Variants in WDFY3 observed in about 807,000 individuals in gnomAD.
WDFY3 encodes the protein WD repeat and FYVE domain-containing protein 3.
In WDFY3, 66 loss-of-function variants were observed where a neutral mutation model predicts 409.6. The observed-to-expected ratio is 0.16, with a 90% CI of 0.13 to 0.20. The LOEUF is 0.20. Among genes scored for constraint, WDFY3 ranks in the 10% least tolerant of loss-of-function variants. The probability of loss-of-function intolerance (pLI) is 1.00; values close to 1 mark genes in which losing one functional copy is unlikely to be tolerated. For synonymous variants in WDFY3, 1,521 were observed against 1,537.1 expected (o/e 0.99, Z 0.25); for missense variants, 3,031 against 4,298.1 (o/e 0.71, Z 8.24).
intron 2 of WDFY3, among the ~76,000 whole-genome samples, chr4:84,919,462 T>A (rs1185706341): frequency 6.6e-6 from 1 of 152,172 alleles, no homozygotes; most frequent in African/African-American, 2.4e-5. Context: ...GTAGACCCTT[T>A]ATTAGTTGCA....
At chr4:84,945,498 T>A (rs1021874364) in intron 1 of WDFY3, among the ~76,000 whole-genome samples, 3 of 152,202 alleles carry the variant, frequency 2.0e-5, no homozygotes, top group Non-Finnish European at 2.9e-5. Context: ...CTTCAAATGG[T>A]GATGGGCAGA....
At chr4:84,737,437 ATTTTTCTTCATG>A in intron 40 of WDFY3, 71 bp from the exon 41 acceptor site, 1 of 1,434,140 alleles carries the variant, frequency 7.0e-7, no homozygotes, top group South Asian at 1.6e-5. Context: ...GTTAGTTTTT[ATTTTTCTTCATG>A]TTTACATGTG....
rs367599565 is a variant in WDFY3, at chr4:84,801,877, A to G, written c.2608-13T>C. On this transcript the variant is annotated splice_polypyrimidine_tract_variant and intron_variant, in intron 16 of 67. Coordinates refer to ENST00000295888, the MANE Select transcript of WDFY3 (RefSeq NM_014991.6). ...GATCCAAAGCATGCTAAAATCAACA[A>G]AGAAATCCACACAGTCAGGTCATTC... 5.0e-6 allele frequency: 8 copies of G among 1,610,798 alleles called. No homozygotes were observed. Among genetic ancestry groups the G allele is most frequent in the East Asian group, 4.5e-5 (2 of 44,796 alleles).
At chr4:84,677,961 CAAAA>C (rs986393073) in intron 66 of WDFY3, among the ~76,000 whole-genome samples, 3 of 21,180 alleles carry the variant, frequency 1.4e-4, no homozygotes, top group Non-Finnish European at 2.8e-4. Flanking sequence ...GACCCTGTCT[CAAAA>C]AAAAAAAAAA....
intron 10 of WDFY3, among the ~76,000 whole-genome samples, chr4:84,823,131 A>AT (rs1293015888): frequency 6.6e-6 from 1 of 152,184 alleles, no homozygotes; most frequent in Non-Finnish European, 1.5e-5. Context: ...ACAGTGTGGT[A>AT]TTGGCTTAAG....
intron 65 of WDFY3, 87 bp from the exon 66 acceptor site, chr4:84,678,366 CT>C: frequency 2.1e-6 from 2 of 937,052 alleles, no homozygotes; most frequent in Non-Finnish European, 1.7e-6. Context: ...TGGCCTTAAA[CT>C]TAGGGTACCT....
At chr4:84,797,500 T>G (rs1382061598) in intron 18 of WDFY3, among the ~76,000 whole-genome samples, 2 of 152,062 alleles carry the variant, frequency 1.3e-5, no homozygotes, top group East Asian at 3.9e-4. Flanking sequence ...AAATATTCTC[T>G]TAGGGAAAGG....
intron 43 of WDFY3, 152 bp from the exon 44 acceptor site, chr4:84,733,761 T>C: frequency 2.5e-6 from 2 of 794,478 alleles, no homozygotes; most frequent in Non-Finnish European, 1.9e-6. Context: ...CATTTGTTTA[T>C]GGTTAAAGTA....
At chr4:84,855,835 T>C (rs1759688541) in intron 4 of WDFY3, among the ~76,000 whole-genome samples, 1 of 152,230 alleles carries the variant, frequency 6.6e-6, no homozygotes, top group Non-Finnish European at 1.5e-5. Flanking sequence ...TCTTTTTGTT[T>C]CTATGAAGGA....
chr4:84,733,348 G>A (rs1433755777), intron 44 of WDFY3, 34 bp downstream of exon 44: 1 of 1,594,274 alleles, frequency 6.3e-7, no homozygotes, highest in Non-Finnish European at 8.6e-7. Context: ...AAACTTGAAA[G>A]AGCCATTGTG....
intron 56 of WDFY3, among the ~76,000 whole-genome samples, chr4:84,698,791 G>A (rs1444812930): frequency 6.6e-6 from 1 of 152,130 alleles, no homozygotes; most frequent in Non-Finnish European, 1.5e-5. Flanking sequence ...CCTCCCGGGT[G>A]AGTCTTGTGC....
intron 47 of WDFY3, among the ~76,000 whole-genome samples, chr4:84,719,499 G>C (rs1734498839): frequency 6.6e-6 from 1 of 152,092 alleles, no homozygotes; most frequent in African/African-American, 2.4e-5. Flanking sequence ...AAAGCAACCA[G>C]AGCAAAAACT....
intron 62 of WDFY3, among the ~76,000 whole-genome samples, chr4:84,684,801 T>G (rs1728014913): frequency 6.6e-6 from 1 of 152,208 alleles, no homozygotes; most frequent in Non-Finnish European, 1.5e-5. Flanking sequence ...AAGAACAACC[T>G]ATTTTCTTAA....
At chr4:84,865,192 A>G (rs1479040514) in intron 3 of WDFY3, among the ~76,000 whole-genome samples, 1 of 152,208 alleles carries the variant, frequency 6.6e-6, no homozygotes, top group South Asian at 2.1e-4. Context: ...CCTGGCCTCA[A>G]CTTTCATTTT....
intron 52 of WDFY3, 84 bp downstream of exon 52, chr4:84,709,209 A>C: frequency 7.0e-7 from 1 of 1,432,294 alleles, no homozygotes; most frequent in Non-Finnish European, 9.6e-7. Flanking sequence ...TATATATTTT[A>C]TGGATAATTA....
At chr4:84,717,109 A>G in intron 48 of WDFY3, 93 bp from the exon 49 acceptor site, 1 of 1,296,932 alleles carries the variant, frequency 7.7e-7, no homozygotes, top group South Asian at 2.3e-5. Flanking sequence ...ACACATGAAC[A>G]GGATGGAGGA....
intron 1 of WDFY3, 91 bp from the exon 2 acceptor site, chr4:84,932,454 CTTG>C (rs1770883843): frequency 1.3e-5 from 2 of 152,168 alleles, no homozygotes; most frequent in African/African-American, 2.4e-5. Flanking sequence ...TACCTCCTTA[CTTG>C]TTGTCTTGCT....
rs370398901 is a variant in WDFY3, at chr4:84,787,676, G to A, written c.3707C>T (p.Ser1236Leu). 2.5e-5 allele frequency: 41 copies of A among 1,614,022 alleles called. No individual in the cohort carries two copies. The highest frequency in any genetic ancestry group is 3.2e-5 in the Non-Finnish European group (38 of 1,179,928). Residue 1236 changes from serine (S) to leucine (L), a missense_variant, in exon 23 of 68, where the codon TCG becomes TTG. Coordinates refer to ENST00000295888, the MANE Select transcript of WDFY3 (RefSeq NM_014991.6). Reference sequence around the variant, plus strand: ...CGTGCTCACCACTGGTGGATTTGCCGAACCTGAACCCCCTGGAGTACTGTG... The same window carrying A: ...CGTGCTCACCACTGGTGGATTTGCCAAACCTGAACCCCCTGGAGTACTGTG... ...YVHSTPGGSG[S>L]ANPPVVSTVY...
chr4:84,758,176 T>C (rs1420606165), intron 32 of WDFY3, among the ~76,000 whole-genome samples: 1 of 152,214 alleles, frequency 6.6e-6, no homozygotes, highest in African/African-American at 2.4e-5. Flanking sequence ...GAAACTTTTG[T>C]GAATAGCAAC....
Sources: allele counts gnomAD v4.1 joint callset (sites outside exome capture counted in the v4.1 genomes callset), GRCh38; gene constraint gnomAD v4.1.1; transcripts MANE v1.5; gene names NCBI Gene and HGNC (gene_info 2026-07-23, HGNC 2026-07-21).